Variants in LGR4 observed in about 807,000 individuals in gnomAD.
LGR4 encodes leucine-rich repeat-containing G protein-coupled receptor 4.
LGR4 carries 44 observed loss-of-function variants against 84.8 expected under a neutral mutation model. The observed-to-expected ratio is 0.52, with a 90% confidence interval of 0.41 to 0.67. LGR4 has a LOEUF of 0.67. LGR4 is among the 30% of genes least tolerant of loss of function. The probability of loss-of-function intolerance (pLI) is 0.00; values close to 1 mark genes in which losing one functional copy is unlikely to be tolerated. For synonymous variants in LGR4, 429 were observed against 434.3 expected (o/e 0.99, Z 0.15); for missense variants, 1,032 against 1,131.4 (o/e 0.91, Z 1.26).
Position 27,369,047 on chromosome 11 carries a change from A to G in LGR4, c.1676T>C (p.Val559Ala), listed in dbSNP as rs1862831849. 6.2e-7 allele frequency: 1 copy of G among 1,614,000 alleles called. No individual in the cohort carries two copies. The highest frequency in any genetic ancestry group is 1.3e-5 in the African/African-American group (1 of 74,932). Residue 559 changes from valine to alanine, a missense_variant, in exon 18 of 18, where the codon GTT becomes GCT. By Grantham distance (64) the Val-to-Ala change is moderately conservative. Transcript: ENST00000379214. Reference sequence around the variant, plus strand: ...ACAAGATGCAAATGTTGTTAAAATAACAAGCAGGTTGAAAAATAATGCAAC... The same window carrying G: ...ACAAGATGCAAATGTTGTTAAAATAGCAAGCAGGTTGAAAAATAATGCAAC... ...FLVALFFNLL[V>A]ILTTFASCTS...
chr11:27,397,992 G>A (rs999953149), intron 2 of LGR4, among the ~76,000 whole-genome samples: 3 of 152,216 alleles, frequency 2.0e-5, no homozygotes, highest in African/African-American at 7.2e-5. Context: ...AACCATTCCA[G>A]GAAGCGGCAT....
intron 1 of LGR4, among the ~76,000 whole-genome samples, chr11:27,444,478 G>T (rs144958342): frequency 1.7e-3 from 257 of 152,194 alleles, no homozygotes; most frequent in African/African-American, 5.9e-3. Context: ...AGTCAACCGA[G>T]ACAAAGGGTC....
At chr11:27,411,486 C>T (rs1379865235) in intron 2 of LGR4, among the ~76,000 whole-genome samples, 3 of 151,538 alleles carry the variant, frequency 2.0e-5, no homozygotes, top group Non-Finnish European at 4.4e-5. Flanking sequence ...TTCTTATGCA[C>T]TTTGAAAATA....
At chr11:27,429,461 T>G (rs1590386846) in intron 1 of LGR4, among the ~76,000 whole-genome samples, 1 of 147,142 alleles carries the variant, frequency 6.8e-6, no homozygotes, top group Non-Finnish European at 1.5e-5. Flanking sequence ...CTAGCTTGGG[T>G]GACAGAACGA....
In LGR4 at chr11:27,472,145, T is replaced by G; in HGVS notation, c.158A>C (p.Glu53Ala). Residue 53 changes from glutamate (E) to alanine (A), a missense_variant, in exon 1 of 18, where the codon GAG becomes GCG. Physicochemically the swap from Glu to Ala is moderately radical, Grantham distance 107 (BLOSUM62 -1). Transcript: ENST00000379214. ...CGCTTGGGTGAAGGCGCTGAGCCCCTCGGGCACGGCCGTCAGCCCCTTCCC... is the reference window on the plus strand; with the variant it reads ...CGCTTGGGTGAAGGCGCTGAGCCCCGCGGGCACGGCCGTCAGCCCCTTCCC... ...CSGKGLTAVPEGLSAFTQALD... is the reference protein window; with the variant it reads ...CSGKGLTAVPAGLSAFTQALD... 1 of 1,174,664 alleles carries G rather than the reference T, an allele frequency of 8.5e-7. No homozygotes were observed. Among genetic ancestry groups the G allele is most frequent in the Non-Finnish European group, 1.1e-6 (1 of 941,276 alleles). 72.8% of individuals were successfully genotyped at this position (1,174,664 alleles called of 1,614,324 possible).
intron 13 of LGR4, among the ~76,000 whole-genome samples, chr11:27,374,996 ATGT>A (rs1862948330): frequency 6.6e-6 from 1 of 152,082 alleles, no homozygotes; most frequent in African/African-American, 2.4e-5. Context: ...TAATAGAAAA[ATGT>A]TGTGCTGGGC....
At chr11:27,445,169 C>T (rs1864367815) in intron 1 of LGR4, among the ~76,000 whole-genome samples, 1 of 152,146 alleles carries the variant, frequency 6.6e-6, no homozygotes, top group Non-Finnish European at 1.5e-5. Flanking sequence ...GCCCTTTGTT[C>T]ATCCCTCCTT....
intron 16 of LGR4, 67 bp from the exon 17 acceptor site, chr11:27,371,765 G>T: frequency 8.4e-7 from 1 of 1,185,880 alleles, no homozygotes; most frequent in Non-Finnish European, 1.2e-6. Flanking sequence ...ATATTTTCCT[G>T]CAATTTTCTC....
chr11:27,459,512 C>T (rs1017158099), intron 1 of LGR4, among the ~76,000 whole-genome samples: 3 of 151,304 alleles, frequency 2.0e-5, no homozygotes, highest in African/African-American at 4.9e-5. Flanking sequence ...AGTCTTGCTC[C>T]GTCACCCAGG....
chr11:27,412,900 T>C, intron 1 of LGR4, 40 bp from the exon 2 acceptor site: 1 of 1,321,766 alleles, frequency 7.6e-7, no homozygotes, highest in Non-Finnish European at 1.1e-6. Context: ...AATTAAGTGG[T>C]ATGAAGCTTA....
chr11:27,437,698 T>TGTG (rs1864235625), intron 1 of LGR4, among the ~76,000 whole-genome samples: 1 of 151,320 alleles, frequency 6.6e-6, no homozygotes, highest in Non-Finnish European at 1.5e-5. Flanking sequence ...TGTGTGTGTG[T>TGTG]TTATGCTAAA....
chr11:27,394,559 C>T (rs188275529), intron 2 of LGR4, among the ~76,000 whole-genome samples: 10 of 152,170 alleles, frequency 6.6e-5, no homozygotes, highest in South Asian at 4.2e-4. Context: ...CCCACCACCA[C>T]GCCCAGCTAA....
chr11:27,405,826 T>C (rs1017016992), intron 2 of LGR4, among the ~76,000 whole-genome samples: 8 of 152,094 alleles, frequency 5.3e-5, no homozygotes, highest in Non-Finnish European at 7.4e-5. Flanking sequence ...ACCTAGACGA[T>C]TGCCAGTGGC....
In LGR4 at chr11:27,437,390, G is replaced by C. The variant is rs1394459033; in HGVS notation, c.186-24530C>G. Reference sequence around the variant, plus strand: ...AGACATGCTACTATTTTCTAGTGTTGAGAAAAGTTTCAAAGTGCTACCTAG... The same window carrying C: ...AGACATGCTACTATTTTCTAGTGTTCAGAAAAGTTTCAAAGTGCTACCTAG... On this transcript the variant is annotated intron_variant, in intron 1 of 17. Coordinates refer to ENST00000379214, the MANE Select transcript of LGR4 (RefSeq NM_018490.5). 2.6e-5 allele frequency among the ~76,000 whole-genome samples: 4 copies of C among 151,870 alleles called. No individual in the cohort carries two copies. The East Asian group carries it at 7.7e-4, about 29-fold the overall frequency.
intron 2 of LGR4, among the ~76,000 whole-genome samples, chr11:27,409,681 C>T (rs1863674270): frequency 6.6e-6 from 1 of 152,072 alleles, no homozygotes; most frequent in Non-Finnish European, 1.5e-5. Flanking sequence ...CATATGTACC[C>T]TTTAGTCTTG....
rs530561574 is a variant in LGR4 at position 27,465,431 on chromosome 11, C to T, written c.185+6687G>A. 2.6e-5 allele frequency among the ~76,000 whole-genome samples: 4 copies of T among 152,212 alleles called. No individual in the cohort carries two copies. In the South Asian group the frequency reaches 8.3e-4, roughly 32 times the overall value. On this transcript the variant is annotated intron_variant, in intron 1 of 17. Transcript: ENST00000379214. Reference sequence around the variant, plus strand: ...GAAAAACATGTTTTAGAGATTAAAACCAACCAACCCAATCATTCAGAGTTT... The same window carrying T: ...GAAAAACATGTTTTAGAGATTAAAATCAACCAACCCAATCATTCAGAGTTT...
intron 2 of LGR4, among the ~76,000 whole-genome samples, chr11:27,410,916 T>A (rs186584689): frequency 6.6e-6 from 1 of 152,204 alleles, no homozygotes; most frequent in Non-Finnish European, 1.5e-5. Flanking sequence ...ATTCATGAGG[T>A]TGGCATATGG....
chr11:27,467,030 C>T (rs967682457), intron 1 of LGR4, among the ~76,000 whole-genome samples: 2 of 151,742 alleles, frequency 1.3e-5, no homozygotes, highest in Non-Finnish European at 2.9e-5. Context: ...AAGGGATCTA[C>T]ACACTTTGGC....
chr11:27,378,309 G>A (rs757720593), intron 11 of LGR4, among the ~76,000 whole-genome samples: 6 of 152,034 alleles, frequency 3.9e-5, no homozygotes, highest in South Asian at 2.1e-4. Context: ...TTTAGAAAGC[G>A]ACAAGCTTTA....
Sources: gnomAD v4.1 joint callset for allele counts (sites outside exome capture counted in the v4.1 genomes callset) on GRCh38, gnomAD v4.1.1 for gene constraint, MANE v1.5 for transcripts, NCBI Gene and HGNC (gene_info 2026-07-23, HGNC 2026-07-21) for gene names.